Variants in SCMH1 observed in about 807,000 individuals in gnomAD.
SCMH1 encodes polycomb protein SCMH1.
SCMH1 carries 37 observed loss-of-function variants against 70.8 expected under a neutral mutation model. That is an observed-to-expected ratio of 0.52 (90% CI 0.40 to 0.69). SCMH1 has a LOEUF of 0.69. Among genes scored for constraint, SCMH1 ranks in the 30% least tolerant of loss-of-function variants. The probability of loss-of-function intolerance (pLI) is 0.00; values close to 1 mark genes in which losing one functional copy is unlikely to be tolerated. For synonymous variants in SCMH1, 292 were observed against 307.4 expected (o/e 0.95, Z 0.52); for missense variants, 607 against 827.3 (o/e 0.73, Z 3.27).
intron 10 of SCMH1, among the ~76,000 whole-genome samples, chr1:41,064,830 G>A (rs777981390): frequency 3.9e-5 from 6 of 152,070 alleles, no homozygotes; most frequent in Non-Finnish European, 5.9e-5. Context: ...CAGGAAGATC[G>A]CTTCTGCCCA....
chr1:41,177,445 C>A (rs1318955811), intron 2 of SCMH1, among the ~76,000 whole-genome samples: 3 of 152,052 alleles, frequency 2.0e-5, no homozygotes, highest in African/African-American at 7.2e-5. Flanking sequence ...CGACTCCGAG[C>A]TAAAGGAGGA....
intron 8 of SCMH1, among the ~76,000 whole-genome samples, chr1:41,075,858 G>A (rs1483728604): frequency 2.6e-5 from 4 of 152,164 alleles, no homozygotes; most frequent in Non-Finnish European, 5.9e-5. Flanking sequence ...AGGTTACATA[G>A]TGAGTTGGGA....
intron 4 of SCMH1, among the ~76,000 whole-genome samples, chr1:41,158,149 T>C (rs534548650): frequency 1.3e-5 from 2 of 152,276 alleles, no homozygotes; most frequent in South Asian, 2.1e-4. Context: ...ACATGAACAA[T>C]TAGCATGAGT....
intron 6 of SCMH1, among the ~76,000 whole-genome samples, chr1:41,135,167 A>G (rs1256176762): frequency 1.3e-5 from 2 of 152,146 alleles, no homozygotes; most frequent in African/African-American, 4.8e-5. Context: ...TGTATAAATC[A>G]GGTTTAGGCA....
chr1:41,037,279 C>T (rs928071700), intron 13 of SCMH1, 83 bp downstream of exon 13: 7 of 1,398,306 alleles, frequency 5.0e-6, no homozygotes, highest in Non-Finnish European at 5.9e-6. Flanking sequence ...AGAGCTAGGT[C>T]CTCTCTGGCC....
At chr1:41,103,283 C>T (rs1036458671) in intron 8 of SCMH1, among the ~76,000 whole-genome samples, 8 of 151,962 alleles carry the variant, frequency 5.3e-5, no homozygotes, top group African/African-American at 1.2e-4. Flanking sequence ...AGGCATGAGC[C>T]GCCACTCCTG....
intron 14 of SCMH1, 46 bp from the exon 16 acceptor site, chr1:41,028,365 G>A: frequency 6.2e-7 from 1 of 1,609,034 alleles, no homozygotes; most frequent in South Asian, 1.1e-5. Context: ...GGCACCATCA[G>A]AGTCCTGGTT....
intron 1 of SCMH1, among the ~76,000 whole-genome samples, chr1:41,232,001 G>A (rs1298689090): frequency 6.7e-6 from 1 of 149,790 alleles, no homozygotes; most frequent in East Asian, 2.0e-4. Context: ...ACCAGCCAGG[G>A]TGACAGTGCA....
chr1:41,144,953 G>A (rs868003901), intron 5 of SCMH1, among the ~76,000 whole-genome samples: 2 of 152,010 alleles, frequency 1.3e-5, no homozygotes, highest in Non-Finnish European at 2.9e-5. Context: ...TTTAATTTCC[G>A]AGTTTTAAGA....
At chr1:41,092,103 C>T (rs569657947) in intron 8 of SCMH1, among the ~76,000 whole-genome samples, 12 of 152,228 alleles carry the variant, frequency 7.9e-5, no homozygotes, top group East Asian at 1.9e-4. Context: ...GGAGGCATCA[C>T]GCTACCTGAC....
chr1:41,034,005 A>G (rs370298539), intron 13 of SCMH1: 504 of 1,613,984 alleles, frequency 3.1e-4, no homozygotes, highest in Middle Eastern at 9.9e-4. Context: ...TTAGTTTCCA[A>G]AATGATTCCA....
chr1:41,146,717 CAAGTAT>C (rs1435014961), intron 5 of SCMH1, among the ~76,000 whole-genome samples: 1 of 152,002 alleles, frequency 6.6e-6, no homozygotes, highest in Non-Finnish European at 1.5e-5. Flanking sequence ...CAGGTTTGTG[CAAGTAT>C]ATTCTATGTT....
chr1:41,241,159 CG>C (rs1356469802), intron 1 of SCMH1, among the ~76,000 whole-genome samples: 1 of 152,230 alleles, frequency 6.6e-6, no homozygotes, highest in Non-Finnish European at 1.5e-5. Flanking sequence ...AGGTTCCAAA[CG>C]GGCTCGTCAA....
At chr1:41,072,648 G>A (rs1558636710) in intron 9 of SCMH1, among the ~76,000 whole-genome samples, 1 of 152,158 alleles carries the variant, frequency 6.6e-6, no homozygotes, top group Non-Finnish European at 1.5e-5. Context: ...AATTGCTTGG[G>A]CCCAGGAGTT....
chr1:41,209,820 C>T (rs1373934678), intron 1 of SCMH1, among the ~76,000 whole-genome samples: 1 of 152,242 alleles, frequency 6.6e-6, no homozygotes, highest in Non-Finnish European at 1.5e-5. Context: ...CATGCCCTCT[C>T]TCACCACTCC....
chr1:41,123,708 TGAG>T (rs1440926655), intron 6 of SCMH1, among the ~76,000 whole-genome samples: 10 of 152,220 alleles, frequency 6.6e-5, no homozygotes, highest in African/African-American at 1.9e-4. Context: ...CAGGGAGCTG[TGAG>T]GAGAAGAGTG....
At chr1:41,178,003 C>A (rs994153625) in intron 2 of SCMH1, among the ~76,000 whole-genome samples, 3 of 152,108 alleles carry the variant, frequency 2.0e-5, no homozygotes, top group African/African-American at 7.2e-5. Context: ...GTTGGGTTAC[C>A]CACAAAGGGA....
At chr1:41,052,907 A>G (rs888989189) in intron 10 of SCMH1, among the ~76,000 whole-genome samples, 11 of 141,342 alleles carry the variant, frequency 7.8e-5, no homozygotes, top group Non-Finnish European at 1.3e-4. Context: ...AAAACTCATT[A>G]AATTGTAGGC....
intron 6 of SCMH1, among the ~76,000 whole-genome samples, chr1:41,118,513 CTT>C (rs1671103563): frequency 6.6e-6 from 1 of 152,162 alleles, no homozygotes; most frequent in Non-Finnish European, 1.5e-5. Flanking sequence ...CACTACTTCT[CTT>C]ATCACTTTCT....
Sources: allele counts gnomAD v4.1 joint callset (sites outside exome capture counted in the v4.1 genomes callset), GRCh38; gene constraint gnomAD v4.1.1; transcripts MANE v1.5; gene names NCBI Gene and HGNC (gene_info 2026-07-23, HGNC 2026-07-21).